Variants in TTC28 observed in about 807,000 individuals in gnomAD.
TTC28 encodes tetratricopeptide repeat domain 28.
Under a neutral mutation model 198.0 loss-of-function variants are expected in TTC28, and 61 were observed. The ratio of observed to expected loss-of-function variants is 0.31; its 90% CI spans 0.25 to 0.38. The LOEUF (loss-of-function observed/expected upper bound fraction) is 0.38. TTC28 is among the 10% of genes least tolerant of loss of function. TTC28 has a pLI of 1.00. For synonymous variants in TTC28, 1,171 were observed against 1,297.8 expected, an observed-to-expected ratio of 0.90 and a Z score of 2.10; for missense variants, 2,678 against 3,164.0, an observed-to-expected ratio of 0.85 and a Z score of 3.69.
At chr22:28,339,227 T>A (rs535478111) in intron 2 of TTC28, among the ~76,000 whole-genome samples, 1 of 152,124 alleles carries the variant, frequency 6.6e-6, no homozygotes, top group Admixed American at 6.5e-5. Context: ...ACAGCAAATG[T>A]TGCTCCCTGA....
intron 2 of TTC28, among the ~76,000 whole-genome samples, chr22:28,548,194 C>CG (rs1189144933): frequency 2.0e-5 from 3 of 152,152 alleles, no homozygotes; most frequent in Non-Finnish European, 4.4e-5. Context: ...CTGAGGGATA[C>CG]GGCCTAGCCC....
At position 28,343,805 on chromosome 22, in the gene TTC28, C is replaced by T. The variant is rs530444698; in HGVS notation, c.382-37162G>A. ...CTTTCAAGGGCTGGTATAAAACTAGCTTTTACCTATTTTTTAAAATTACAT... is the reference window on the plus strand; with the variant it reads ...CTTTCAAGGGCTGGTATAAAACTAGTTTTTACCTATTTTTTAAAATTACAT... On this transcript the variant is annotated intron_variant, in intron 2 of 22. Transcript: ENST00000397906. 5.3e-5 allele frequency among the ~76,000 whole-genome samples: 8 copies of T among 152,260 alleles called. No individual in the cohort carries two copies. The East Asian group carries it at 1.4e-3, about 26-fold the overall frequency.
At chr22:28,285,232 T>C (rs1366917203) in intron 5 of TTC28, among the ~76,000 whole-genome samples, 1 of 152,236 alleles carries the variant, frequency 6.6e-6, no homozygotes, top group Non-Finnish European at 1.5e-5. Context: ...AATCCTGCCA[T>C]TTGTGAGACA....
intron 2 of TTC28, among the ~76,000 whole-genome samples, chr22:28,584,011 GTTTTGTTTTTTTTTT>G (rs1465456260): frequency 2.4e-5 from 3 of 123,092 alleles, no homozygotes; most frequent in East Asian, 4.5e-4. Context: ...TTTTTGTTTT[GTTTTGTTTTTTTTTT>G]TTTTTTTGGC....
chr22:28,389,189 G>A (rs1189689068), intron 2 of TTC28, among the ~76,000 whole-genome samples: 8 of 152,116 alleles, frequency 5.3e-5, no homozygotes, highest in Non-Finnish European at 7.3e-5. Context: ...ACAGGGATGA[G>A]GCCCACTTGA....
chr22:28,173,291 T>C (rs760882203), intron 5 of TTC28, among the ~76,000 whole-genome samples: 7 of 152,206 alleles, frequency 4.6e-5, no homozygotes, highest in Non-Finnish European at 1.0e-4. Context: ...AGGCTGTTAA[T>C]GAGAATCTGA....
chr22:28,508,815 G>T (rs2048647248), intron 2 of TTC28, among the ~76,000 whole-genome samples: 1 of 152,046 alleles, frequency 6.6e-6, no homozygotes, highest in South Asian at 2.1e-4. Context: ...GACAATATTA[G>T]ATCATCGAGA....
chr22:28,088,195 G>A (rs776553514), intron 12 of TTC28, among the ~76,000 whole-genome samples: 64 of 152,084 alleles, frequency 4.2e-4, no homozygotes, highest in Admixed American at 7.9e-4. Flanking sequence ...AAAAGAGCCC[G>A]CATTGCCAAG....
intron 13 of TTC28, among the ~76,000 whole-genome samples, chr22:28,021,358 C>T (rs1164487914): frequency 1.3e-5 from 2 of 152,148 alleles, no homozygotes; most frequent in Non-Finnish European, 2.9e-5. Context: ...CAGCCACTAC[C>T]GTGGGGCCAG....
chr22:28,164,841 G>A (rs1227781510), intron 5 of TTC28, among the ~76,000 whole-genome samples: 5 of 152,220 alleles, frequency 3.3e-5, no homozygotes, highest in African/African-American at 7.2e-5. Context: ...GATCAATGAC[G>A]AGTTGAGAGA....
At chr22:28,516,831 T>C (rs1328380259) in intron 2 of TTC28, among the ~76,000 whole-genome samples, 1 of 152,194 alleles carries the variant, frequency 6.6e-6, no homozygotes, top group Non-Finnish European at 1.5e-5. Context: ...GTTAATCAGC[T>C]TGATTTAGCT....
chr22:27,995,893 C>T (rs925410425), intron 17 of TTC28, among the ~76,000 whole-genome samples: 1 of 152,178 alleles, frequency 6.6e-6, no homozygotes, highest in Non-Finnish European at 1.5e-5. Flanking sequence ...ATCCCGGGGA[C>T]GTCTGCAGAA....
chr22:28,226,944 T>C (rs1227183601), intron 5 of TTC28, among the ~76,000 whole-genome samples: 1 of 151,386 alleles, frequency 6.6e-6, no homozygotes, highest in African/African-American at 2.4e-5. Context: ...TTTTGTTTTG[T>C]GACAGGGTCT....
chr22:28,338,946 C>T (rs1045815309), intron 2 of TTC28, among the ~76,000 whole-genome samples: 5 of 152,156 alleles, frequency 3.3e-5, no homozygotes, highest in Non-Finnish European at 5.9e-5. Flanking sequence ...GGAGGAGAGG[C>T]GCTCTGATTT....
intron 5 of TTC28, among the ~76,000 whole-genome samples, chr22:28,183,077 G>C (rs1379781665): frequency 2.0e-5 from 3 of 148,410 alleles, no homozygotes; most frequent in African/African-American, 7.5e-5. Flanking sequence ...AAATGTTGTA[G>C]AGACTGAGTC....
intron 12 of TTC28, among the ~76,000 whole-genome samples, chr22:28,059,433 T>C (rs1434079732): frequency 6.6e-6 from 1 of 152,048 alleles, no homozygotes; most frequent in African/African-American, 2.4e-5. Flanking sequence ...TTAACTTCTA[T>C]CAAAATGTGT....
At chr22:27,983,989 A>G (rs1601477736) in intron 22 of TTC28, 138 bp from the exon 23 acceptor site, 1 of 966,082 alleles carries the variant, frequency 1.0e-6, no homozygotes, top group Non-Finnish European at 1.5e-6. Context: ...TAATCTTACA[A>G]TCCTCAAAAA....
chr22:28,422,490 GTGCAGTGGCGCGATCTCGGTTCAC>G (rs1444222531), intron 2 of TTC28, among the ~76,000 whole-genome samples: 1 of 151,180 alleles, frequency 6.6e-6, no homozygotes, highest in Non-Finnish European at 1.5e-5. Flanking sequence ...CAAGGCTGGA[GTGCAGTGGCGCGATCTCGGTTCAC>G]TGCAAGCTCC....
chr22:28,128,065 G>A (rs1023830807), intron 6 of TTC28, among the ~76,000 whole-genome samples: 1 of 152,104 alleles, frequency 6.6e-6, no homozygotes, highest in Admixed American at 6.6e-5. Context: ...ACTTAGCTCA[G>A]AGTCTGGCTC....
Sources: allele counts gnomAD v4.1 joint callset (sites outside exome capture counted in the v4.1 genomes callset), GRCh38; gene constraint gnomAD v4.1.1; transcripts MANE v1.5; gene names NCBI Gene and HGNC (gene_info 2026-07-23, HGNC 2026-07-21).